Variants in CAP2 observed in about 807,000 individuals in gnomAD.
CAP2 encodes the protein cyclase associated actin cytoskeleton regulatory protein 2.
In CAP2, 24 loss-of-function variants were observed where a neutral mutation model predicts 57.7. The observed-to-expected ratio is 0.42, with a 90% confidence interval of 0.30 to 0.58. The LOEUF (loss-of-function observed/expected upper bound fraction) is 0.58. Ranked by LOEUF, CAP2 falls within the 20% of genes least tolerant of loss-of-function variation. CAP2 has a pLI of 0.22. For synonymous variants in CAP2, 194 were observed against 207.2 expected (o/e 0.94, Z 0.55); for missense variants, 501 against 590.3 (o/e 0.85, Z 1.57).
intron 7 of CAP2, among the ~76,000 whole-genome samples, chr6:17,524,533 T>C (rs994561541): frequency 1.3e-5 from 2 of 152,178 alleles, no homozygotes; most frequent in African/African-American, 4.8e-5. Flanking sequence ...AGGGGTACCA[T>C]AGGAACTGTG....
At chr6:17,512,520 A>G (rs1306348465) in intron 6 of CAP2, among the ~76,000 whole-genome samples, 1 of 152,220 alleles carries the variant, frequency 6.6e-6, no homozygotes, top group Non-Finnish European at 1.5e-5. Context: ...GTACATTTAT[A>G]TTGAAGTAAT....
chr6:17,400,938 A>G lies in CAP2; in HGVS notation c.-2+7192A>G, dbSNP rs184033528. ...TTATCCTAAGGCAACAAGAACAGTT[A>G]AATTGGACCACACTAAGAAAATGAG... On this transcript the variant is annotated intron_variant, in intron 1 of 12. Transcript: ENST00000229922. Among the ~76,000 whole-genome samples the G allele has an allele frequency of 6.6e-5, 10 of 152,274 alleles. No individual in the cohort carries two copies. The South Asian group carries it at 1.9e-3, about 28-fold the overall frequency.
At chr6:17,466,045 C>T (rs1331233825) in intron 4 of CAP2, among the ~76,000 whole-genome samples, 1 of 152,240 alleles carries the variant, frequency 6.6e-6, no homozygotes, top group Non-Finnish European at 1.5e-5. Flanking sequence ...CAAGTCATTG[C>T]TGTCAACTGC....
chr6:17,460,867 G>A (rs1760700471), intron 3 of CAP2, among the ~76,000 whole-genome samples: 1 of 152,164 alleles, frequency 6.6e-6, no homozygotes, highest in Non-Finnish European at 1.5e-5. Flanking sequence ...TCTAATCTTT[G>A]CTGGGTGTGG....
chr6:17,507,698 A>G lies in CAP2; in HGVS notation c.502A>G (p.Asn168Asp), dbSNP rs201738681. The G allele has an allele frequency of 6.2e-7, 1 of 1,607,888 alleles. No individual in the cohort carries two copies. The highest frequency in any genetic ancestry group is 1.1e-5 in the South Asian group (1 of 90,906). Residue 168 changes from asparagine (N) to aspartate (D), a missense_variant, in exon 6 of 13, where the codon AAC (asparagine) becomes GAC (aspartate). Transcript: ENST00000229922. ...GAATGACGCTGCCACCTTTTACACT[A>G]ACAGGGTCTTAAAGGACTACAAACA... ...EMNDAATFYT[N>D]RVLKDYKHSD...
Position 17,541,004 on chromosome 6 carries a change from A to T in CAP2, c.858A>T (p.Thr286=). The change falls in exon 9 of 13, where the codon ACA becomes ACT. Residue 286 remains threonine (T), a synonymous_variant. Transcript: ENST00000229922. ...GCCATGTCACAGATGACCAGAAGAC[A>T]TACAAAAATCCCAGCCTGCGGGCTC... is the stretch of plus-strand genomic sequence containing the variant. The part of the protein sequence containing the change: ...GLRHVTDDQK[T]YKNPSLRAQG... 6.2e-7 allele frequency: 1 copy of T among 1,614,126 alleles called. No homozygotes were observed. The highest frequency in any genetic ancestry group is 8.5e-7 in the Non-Finnish European group (1 of 1,179,960).
intron 4 of CAP2, among the ~76,000 whole-genome samples, chr6:17,487,188 CT>C (rs2113630141): frequency 6.6e-6 from 1 of 152,316 alleles, no homozygotes. Context: ...CCTTACCTGC[CT>C]TTCGGAGCCA....
At chr6:17,447,187 A>AAAAAAAGTT (rs942272665) in intron 3 of CAP2, among the ~76,000 whole-genome samples, 7 of 151,752 alleles carry the variant, frequency 4.6e-5, no homozygotes, top group African/African-American at 1.7e-4. Flanking sequence ...AAAAAAAAAA[A>AAAAAAAGTT]AAAAAAGTTT....
intron 4 of CAP2, among the ~76,000 whole-genome samples, chr6:17,486,169 A>G (rs1342887547): frequency 6.6e-6 from 1 of 151,842 alleles, no homozygotes; most frequent in Non-Finnish European, 1.5e-5. Context: ...ACATAGCAAG[A>G]CCCCATCTCT....
intron 7 of CAP2, among the ~76,000 whole-genome samples, chr6:17,533,907 T>C (rs1468854492): frequency 6.6e-6 from 1 of 152,174 alleles, no homozygotes; most frequent in African/African-American, 2.4e-5. Flanking sequence ...ATGACTCCAA[T>C]AGAACGTACT....
rs75695078 is a variant in CAP2 at position 17,445,491 on chromosome 6, C to A, written c.223-17505C>A. 3.1e-3 allele frequency among the ~76,000 whole-genome samples: 468 copies of A among 152,270 alleles called. 2 individuals are homozygous for A. The highest frequency in any genetic ancestry group is 0.011 in the African/African-American group (457 of 41,546). On this transcript the variant is annotated intron_variant, in intron 3 of 12. Coordinates refer to ENST00000229922, the MANE Select transcript of CAP2 (RefSeq NM_006366.3). ...GTTTGGATTGGGTTGTGGCATGTTG[C>A]TTCCCCCTCAATTGTTTTCAAAATG...
At chr6:17,512,119 G>C (rs1028927785) in intron 6 of CAP2, among the ~76,000 whole-genome samples, 1 of 152,122 alleles carries the variant, frequency 6.6e-6, no homozygotes, top group Non-Finnish European at 1.5e-5. Flanking sequence ...ATCAGACATG[G>C]TGGCTCATGC....
intron 12 of CAP2, among the ~76,000 whole-genome samples, chr6:17,553,965 C>A (rs1240342841): frequency 1.3e-5 from 2 of 152,194 alleles, no homozygotes; most frequent in African/African-American, 2.4e-5. Flanking sequence ...TCCAGAAGAG[C>A]CCCAGAAGGA....
At chr6:17,414,254 C>G (rs1313413245) in intron 1 of CAP2, among the ~76,000 whole-genome samples, 1 of 151,460 alleles carries the variant, frequency 6.6e-6, no homozygotes, top group Non-Finnish European at 1.5e-5. Flanking sequence ...CACTTCAAGT[C>G]TATTTCCTTT....
At chr6:17,448,060 T>G (rs911866307) in intron 3 of CAP2, among the ~76,000 whole-genome samples, 4 of 152,260 alleles carry the variant, frequency 2.6e-5, no homozygotes, top group Non-Finnish European at 5.9e-5. Flanking sequence ...CTGGAATATA[T>G]CTTCTATGTG....
intron 4 of CAP2, among the ~76,000 whole-genome samples, chr6:17,493,865 C>G (rs116191781): frequency 6.6e-6 from 1 of 151,890 alleles, no homozygotes. Context: ...TGAGGGCAGC[C>G]GAAACAGTAC....
intron 7 of CAP2, among the ~76,000 whole-genome samples, chr6:17,521,829 T>G (rs952367570): frequency 6.6e-6 from 1 of 151,884 alleles, no homozygotes; most frequent in Non-Finnish European, 1.5e-5. Flanking sequence ...GGCCCCTTGA[T>G]TGGGCGCGGT....
At chr6:17,453,614 CAGA>C (rs1760471316) in intron 3 of CAP2, among the ~76,000 whole-genome samples, 1 of 152,160 alleles carries the variant, frequency 6.6e-6, no homozygotes, top group South Asian at 2.1e-4. Flanking sequence ...GCAGAGGATA[CAGA>C]AGAAGGGAAC....
chr6:17,468,794 C>G (rs1398957803), intron 4 of CAP2, among the ~76,000 whole-genome samples: 1 of 152,170 alleles, frequency 6.6e-6, no homozygotes, highest in African/African-American at 2.4e-5. Flanking sequence ...AGCAGGTGAG[C>G]ATAGAGGAAG....
Sources: allele counts gnomAD v4.1 joint callset (sites outside exome capture counted in the v4.1 genomes callset), GRCh38; gene constraint gnomAD v4.1.1; transcripts MANE v1.5; gene names NCBI Gene and HGNC (gene_info 2026-07-23, HGNC 2026-07-21).